Variants in LRRIQ3 observed in about 807,000 individuals in gnomAD.
LRRIQ3 encodes leucine-rich repeat and IQ domain-containing protein 3.
In LRRIQ3, 75 loss-of-function variants were observed where a neutral mutation model predicts 59.3. That is an observed-to-expected ratio of 1.26 (90% CI 1.05 to 1.53). The LOEUF (loss-of-function observed/expected upper bound fraction) is 1.53, where lower values mean the gene tolerates loss of function less well. LRRIQ3 is among the 40% of genes most tolerant of loss of function. LRRIQ3 has a pLI of 0.00. For missense variants in LRRIQ3, 831 were observed against 710.0 expected (o/e 1.17, Z -1.94); for synonymous variants, 250 against 231.3 (o/e 1.08, Z -0.73).
At chr1:74,124,017 TGCCA>T (rs1052377254) in intron 4 of LRRIQ3, among the ~76,000 whole-genome samples, 10 of 151,928 alleles carry the variant, frequency 6.6e-5, no homozygotes, top group Admixed American at 2.6e-4. Context: ...TCTATATCTG[TGCCA>T]GCATTTGTTT....
chr1:74,073,702 G>A (rs1237035597), intron 6 of LRRIQ3, among the ~76,000 whole-genome samples: 1 of 151,948 alleles, frequency 6.6e-6, no homozygotes, highest in Non-Finnish European at 1.5e-5. Context: ...ATCTAACAGA[G>A]TTTGACCAAT....
At chr1:74,040,650 C>T (rs1654015881) in intron 7 of LRRIQ3, among the ~76,000 whole-genome samples, 1 of 152,168 alleles carries the variant, frequency 6.6e-6, no homozygotes, top group South Asian at 2.1e-4. Flanking sequence ...CTCAAAACCA[C>T]ACAATTACAT....
At chr1:74,070,664 A>ATG (rs988245411) in intron 6 of LRRIQ3, among the ~76,000 whole-genome samples, 7 of 151,738 alleles carry the variant, frequency 4.6e-5, no homozygotes, top group Non-Finnish European at 7.4e-5. Context: ...GTGTGTATAT[A>ATG]TGTGTGTGTG....
At chr1:74,084,144 T>C in intron 5 of LRRIQ3, 1 of 1,541,268 alleles carries the variant, frequency 6.5e-7, no homozygotes, top group Non-Finnish European at 8.8e-7. Context: ...ATAATTCCTT[T>C]TGGCACTGAT....
At chr1:74,053,188 A>AC (rs915139562) in intron 6 of LRRIQ3, among the ~76,000 whole-genome samples, 1 of 151,628 alleles carries the variant, frequency 6.6e-6, no homozygotes, top group Non-Finnish European at 1.5e-5. Context: ...AAAAAAAAAA[A>AC]AAAAAACAAA....
chr1:74,063,699 T>A (rs564515993), intron 6 of LRRIQ3, among the ~76,000 whole-genome samples: 2 of 152,152 alleles, frequency 1.3e-5, no homozygotes, highest in Admixed American at 6.6e-5. Context: ...CTGACATTAA[T>A]ACAGTCCCTC....
intron 4 of LRRIQ3, among the ~76,000 whole-genome samples, chr1:74,146,701 A>G (rs560668456): frequency 2.0e-5 from 3 of 152,300 alleles, no homozygotes; most frequent in Non-Finnish European, 4.4e-5. Flanking sequence ...TCTATAACTT[A>G]CAAGTTTTGA....
At chr1:74,096,347 G>T (rs946386921) in intron 5 of LRRIQ3, among the ~76,000 whole-genome samples, 5 of 152,042 alleles carry the variant, frequency 3.3e-5, no homozygotes, top group Non-Finnish European at 7.4e-5. Context: ...AGGAACCTAA[G>T]GTGGTCCCTG....
At chr1:74,089,562 C>T (rs1225971689) in intron 5 of LRRIQ3, among the ~76,000 whole-genome samples, 2 of 151,970 alleles carry the variant, frequency 1.3e-5, no homozygotes, top group African/African-American at 2.4e-5. Flanking sequence ...CTCTTGAAAA[C>T]ATTATACTAA....
chr1:74,168,558 G>T lies in LRRIQ3; in HGVS notation c.574-12692C>A, dbSNP rs568919861. ...TTTGCCAATCTCTTTCTTATAACTG[G>T]CATATTTAGACCATTTACTGTAAAT... On this transcript the variant is annotated intron_variant, in intron 3 of 7. Transcript: ENST00000354431. Among the ~76,000 whole-genome samples the T allele has an allele frequency of 9.4e-4, 143 of 152,048 alleles. 1 individual carries two copies. Among genetic ancestry groups the T allele is most frequent in the African/African-American group, 3.2e-3 (131 of 41,500 alleles).
chr1:74,134,948 A>G (rs1368744831), intron 4 of LRRIQ3, among the ~76,000 whole-genome samples: 3 of 152,116 alleles, frequency 2.0e-5, no homozygotes, highest in East Asian at 1.9e-4. Flanking sequence ...TTAAAAGACA[A>G]ATGTTTTCAG....
At position 74,086,566 on chromosome 1, in the gene LRRIQ3, G is replaced by A. The variant is rs1442418293; in HGVS notation, c.868-11776C>T. Among the ~76,000 whole-genome samples the A allele has an allele frequency of 2.0e-5, 3 of 151,952 alleles. 1 individual carries two copies. Among genetic ancestry groups the A allele is most frequent in the South Asian group, 4.2e-4 (2 of 4,814 alleles). On this transcript the variant is annotated intron_variant, in intron 5 of 7. Coordinates refer to ENST00000354431, the MANE Select transcript of LRRIQ3 (RefSeq NM_001105659.2). ...AAATTCTTCCTTAGTTTAACCTATT[G>A]TGTTTTAATTAATATACCATCACCT...
intron 6 of LRRIQ3, among the ~76,000 whole-genome samples, chr1:74,059,656 T>C (rs1654644473): frequency 6.6e-6 from 1 of 152,094 alleles, no homozygotes; most frequent in South Asian, 2.1e-4. Context: ...TGTTTTTATT[T>C]TTAAAGATCA....
At position 74,079,587 on chromosome 1, in the gene LRRIQ3, ATTTGT is replaced by A. The variant is rs150232357; in HGVS notation, c.868-4802_868-4798del. Among the ~76,000 whole-genome samples, 295 of 151,872 alleles carry A rather than the reference ATTTGT, an allele frequency of 1.9e-3. 4 individuals are homozygous for A. In the East Asian group the frequency reaches 0.038, roughly 20 times the overall value. Reference sequence around the variant, plus strand: ...ATTTTGTTTGCTAACGTAGGTTAAGATTTGTTTTGTTTTGTTTTTTCCCTAGAATC... The same window carrying A: ...ATTTTGTTTGCTAACGTAGGTTAAGATTTGTTTTGTTTTTTCCCTAGAATC... On this transcript the variant is annotated intron_variant, in intron 5 of 7. Coordinates refer to ENST00000354431, the MANE Select transcript of LRRIQ3 (RefSeq NM_001105659.2).
chr1:74,082,133 G>A (rs1187879388), intron 5 of LRRIQ3: 1 of 151,324 alleles, frequency 6.6e-6, no homozygotes, highest in African/African-American at 2.4e-5. Flanking sequence ...GTTATTATTA[G>A]TAAATATTTA....
chr1:74,143,782 G>A (rs1439000142), intron 4 of LRRIQ3, among the ~76,000 whole-genome samples: 1 of 150,618 alleles, frequency 6.6e-6, no homozygotes, highest in African/African-American at 2.4e-5. Context: ...TCAAAACCCA[G>A]GTAGCTAAGG....
At position 74,034,039 on chromosome 1, in the gene LRRIQ3, T is replaced by C. The variant is rs532510689; in HGVS notation, c.1719-7070A>G. 1.4e-4 allele frequency among the ~76,000 whole-genome samples: 22 copies of C among 152,140 alleles called. No individual in the cohort carries two copies. In the East Asian group the frequency reaches 3.5e-3, roughly 24 times the overall value. On this transcript the variant is annotated intron_variant, in intron 7 of 7. Transcript: ENST00000354431. Reference sequence around the variant, plus strand: ...CTTAAATACTCCTGTGGGTATTTTATTAACTTTCTAAATTAGAGCTTTATG... The same window carrying C: ...CTTAAATACTCCTGTGGGTATTTTACTAACTTTCTAAATTAGAGCTTTATG...
intron 5 of LRRIQ3, among the ~76,000 whole-genome samples, chr1:74,099,106 T>C (rs564514951): frequency 5.9e-4 from 89 of 152,042 alleles, no homozygotes; most frequent in African/African-American, 2.1e-3. Flanking sequence ...AAAAAATCAA[T>C]GAATTCAGGA....
chr1:74,191,236 C>A (rs1650749320), intron 1 of LRRIQ3, among the ~76,000 whole-genome samples: 1 of 152,008 alleles, frequency 6.6e-6, no homozygotes, highest in African/African-American at 2.4e-5. Flanking sequence ...GAAATAAATT[C>A]TGTTAGATAA....
Sources: allele counts gnomAD v4.1 joint callset (sites outside exome capture counted in the v4.1 genomes callset), GRCh38; gene constraint gnomAD v4.1.1; transcripts MANE v1.5; gene names NCBI Gene and HGNC (gene_info 2026-07-23, HGNC 2026-07-21).